HSF2: variants seen among roughly 807,000 people sequenced by gnomAD.
The protein encoded by HSF2 is heat shock transcription factor 2.
HSF2 carries 21 observed loss-of-function variants against 65.0 expected under a neutral mutation model. The observed-to-expected ratio is 0.32, with a 90% CI of 0.23 to 0.47. HSF2 has a LOEUF of 0.47. HSF2 is among the 20% of genes least tolerant of loss of function. The pLI, the probability that HSF2 is intolerant of heterozygous loss-of-function variation, is 1.00. For missense variants in HSF2, 499 were observed against 628.1 expected (o/e 0.79, Z 2.20); for synonymous variants, 225 against 219.1 (o/e 1.03, Z -0.24).
intron 11 of HSF2, among the ~76,000 whole-genome samples, chr6:122,430,743 C>G (rs1405751390): frequency 6.6e-6 from 1 of 152,146 alleles, no homozygotes; most frequent in Non-Finnish European, 1.5e-5. Flanking sequence ...TTAAGAACCT[C>G]TGCACCTCAG....
At chr6:122,411,109 T>C (rs1356872714) in intron 1 of HSF2, among the ~76,000 whole-genome samples, 4 of 151,798 alleles carry the variant, frequency 2.6e-5, no homozygotes, top group Admixed American at 2.6e-4. Flanking sequence ...TCCACTTCCT[T>C]GTGAACACTT....
At chr6:122,415,191 G>A (rs988388096) in intron 4 of HSF2, among the ~76,000 whole-genome samples, 1 of 152,114 alleles carries the variant, frequency 6.6e-6, no homozygotes, top group Non-Finnish European at 1.5e-5. Context: ...CGAAGAAGAA[G>A]CTATTCATAT....
intron 1 of HSF2, among the ~76,000 whole-genome samples, chr6:122,403,869 G>T (rs1006320003): frequency 6.6e-6 from 1 of 152,114 alleles, no homozygotes; most frequent in Non-Finnish European, 1.5e-5. Context: ...GGAAGCAACT[G>T]GTGAAACTTG....
intron 10 of HSF2, among the ~76,000 whole-genome samples, chr6:122,425,584 G>A (rs1774321279): frequency 6.6e-6 from 1 of 152,016 alleles, no homozygotes; most frequent in Non-Finnish European, 1.5e-5. Context: ...TGGGCATTCT[G>A]TACAATAGAA....
At chr6:122,428,191 T>G (rs1045797450) in intron 11 of HSF2, among the ~76,000 whole-genome samples, 1 of 152,068 alleles carries the variant, frequency 6.6e-6, no homozygotes, top group Non-Finnish European at 1.5e-5. Context: ...TAACTTCTTT[T>G]GGTGCTGGGA....
chr6:122,427,076 T>A (rs1220289304), intron 10 of HSF2, among the ~76,000 whole-genome samples: 4 of 151,946 alleles, frequency 2.6e-5, no homozygotes, highest in African/African-American at 9.7e-5. Context: ...TTATGTATGT[T>A]TCTGTGTGCG....
intron 7 of HSF2, 80 bp downstream of exon 7, chr6:122,420,302 G>C (rs993374727): frequency 2.0e-6 from 2 of 1,014,306 alleles, no homozygotes; most frequent in African/African-American, 1.7e-5. Context: ...TGCATTCAAA[G>C]AAGTGTGGTG....
chr6:122,423,026 CTT>C (rs1774271248), intron 9 of HSF2, 69 bp downstream of exon 9: 7 of 1,545,422 alleles, frequency 4.5e-6, no homozygotes, highest in East Asian at 2.3e-5. Flanking sequence ...TTCTGTTTCT[CTT>C]TGAGTAATCT....
chr6:122,401,622 T>A lies in HSF2; in HGVS notation c.93+1792T>A, dbSNP rs188481968. On this transcript the variant is annotated intron_variant, in intron 1 of 12. Coordinates refer to ENST00000368455, the MANE Select transcript of HSF2 (RefSeq NM_004506.4). ...CCAAATAAACAAGCCACTTAACCATTTTTTAATCCCATTATTAACTTTAAG... is the reference window on the plus strand; with the variant it reads ...CCAAATAAACAAGCCACTTAACCATATTTTAATCCCATTATTAACTTTAAG... 3.9e-5 allele frequency among the ~76,000 whole-genome samples: 6 copies of A among 152,328 alleles called. No individual in the cohort carries two copies. The East Asian group carries it at 1.2e-3, about 29-fold the overall frequency.
intron 5 of HSF2, among the ~76,000 whole-genome samples, chr6:122,416,519 TG>T (rs769632276): frequency 2.6e-5 from 4 of 152,248 alleles, no homozygotes; most frequent in Non-Finnish European, 5.9e-5. Context: ...TCGCAGATAA[TG>T]TCTCAGTAGC....
In HSF2 at chr6:122,422,802, T is replaced by G. The variant is rs1318276091; in HGVS notation, c.915T>G (p.Asn305Lys). Residue 305 changes from asparagine (N) to lysine (K), a missense_variant, in exon 9 of 13, where the codon AAT becomes AAG. Transcript: ENST00000368455. ...YAPVIQSGEQ[N>K]EPARESLSSG... ...CTGTCATTCAGAGTGGAGAGCAGAA[T>G]GAACCAGCCAGAGAATCCCTAAGTT... The G allele has an allele frequency of 2.5e-6, 4 of 1,613,650 alleles. No individual in the cohort carries two copies. The highest frequency in any genetic ancestry group is 2.7e-5 in the African/African-American group (2 of 74,898).
chr6:122,416,864 G>A (rs1046574158), intron 5 of HSF2, among the ~76,000 whole-genome samples: 10 of 152,150 alleles, frequency 6.6e-5, no homozygotes, highest in African/African-American at 2.4e-4. Flanking sequence ...GAATCCCTCC[G>A]TTTCATTGTG....
At chr6:122,412,300 A>T in intron 1 of HSF2, 73 bp from the exon 2 acceptor site, 1 of 851,128 alleles carries the variant, frequency 1.2e-6, no homozygotes. Context: ...CAGTTGTGGG[A>T]TGTATAAATA....
chr6:122,400,989 A>G (rs905342615), intron 1 of HSF2, among the ~76,000 whole-genome samples: 1 of 152,220 alleles, frequency 6.6e-6, no homozygotes, highest in East Asian at 1.9e-4. Flanking sequence ...TTGTCTTAAC[A>G]GGGAGTGAGC....
At chr6:122,425,223 G>C (rs1365516997) in intron 10 of HSF2, among the ~76,000 whole-genome samples, 1 of 151,938 alleles carries the variant, frequency 6.6e-6, no homozygotes, top group Non-Finnish European at 1.5e-5. Context: ...GAAACGAGTG[G>C]CTGTATTTAC....
chr6:122,430,398 A>T (rs991474148), intron 11 of HSF2, among the ~76,000 whole-genome samples: 2 of 151,804 alleles, frequency 1.3e-5, no homozygotes, highest in African/African-American at 4.8e-5. Context: ...TCCATTTGTT[A>T]TCAGGTTCTC....
At chr6:122,399,635 G>T, upstream of HSF2, 1 of 922,428 alleles carries the variant, frequency 1.1e-6, no homozygotes, top group Non-Finnish European at 1.7e-6. Context: ...AAGATCTGCT[G>T]CGCCTGCGTT....
chr6:122,421,291 A>G (rs1471853848), intron 7 of HSF2, among the ~76,000 whole-genome samples: 1 of 152,058 alleles, frequency 6.6e-6, no homozygotes, highest in Non-Finnish European at 1.5e-5. Context: ...AAACTTCAGA[A>G]TTCAAAATAG....
chr6:122,423,266 T>C (rs1385686738), intron 9 of HSF2, among the ~76,000 whole-genome samples: 1 of 152,160 alleles, frequency 6.6e-6, no homozygotes, highest in South Asian at 2.1e-4. Flanking sequence ...AAGGTACTTA[T>C]AACAAAGAAA....
Sources: gnomAD v4.1 joint callset for allele counts (sites outside exome capture counted in the v4.1 genomes callset) on GRCh38, gnomAD v4.1.1 for gene constraint, MANE v1.5 for transcripts, NCBI Gene and HGNC (gene_info 2026-07-23, HGNC 2026-07-21) for gene names.